The following NCOR1 variants were observed in gnomAD, a reference collection of about 807,000 sequenced individuals.
NCOR1 encodes the protein protein phosphatase 1, regulatory subunit 109.
A neutral mutation model predicts 288.1 loss-of-function variants in NCOR1; 63 were observed. That is an observed-to-expected ratio of 0.22 (90% CI 0.18 to 0.27). NCOR1 has a LOEUF of 0.27. Among genes scored for constraint, NCOR1 ranks in the 10% least tolerant of loss-of-function variants. The probability of loss-of-function intolerance (pLI) is 1.00; values close to 1 mark genes in which losing one functional copy is unlikely to be tolerated. For synonymous variants in NCOR1, 1,007 were observed against 1,065.9 expected, an observed-to-expected ratio of 0.94 and a Z score of 1.08; for missense variants, 2,397 against 3,019.2, an observed-to-expected ratio of 0.79 and a Z score of 4.83.
Position 16,171,911 on chromosome 17 carries a change from T to C in NCOR1, c.327A>G (p.Pro109=), listed in dbSNP as rs1194429887. Residue 109 remains proline, a synonymous_variant, in exon 4 of 46, where the codon CCA becomes CCG. Transcript: ENST00000268712. Reference sequence around the variant, plus strand: ...GAGAATCAGAAACCTGTTCCAGACGTGGTCGCTTCGATTCCAGTGAATCAT... The same window carrying C: ...GAGAATCAGAAACCTGTTCCAGACGCGGTCGCTTCGATTCCAGTGAATCAT... ...VDHDSLESKR[P]RLEQVSDSHF... 2 of 1,613,148 alleles carry C rather than the reference T, an allele frequency of 1.2e-6. No individual in the cohort carries two copies. The highest frequency in any genetic ancestry group is 8.5e-7 in the Non-Finnish European group (1 of 1,179,594).
rs1568001374 is a variant in NCOR1, at chr17:16,098,596, C to G, written c.2691-100G>C. ...CTAAGTTAGTATGTACATACACATG[C>G]ACACATGGACACATGGACACACATA... On this transcript the variant is annotated intron_variant, in intron 20 of 45. Coordinates refer to ENST00000268712, the MANE Select transcript of NCOR1 (RefSeq NM_006311.4). The G allele has an allele frequency of 3.2e-6, 3 of 950,304 alleles. No individual in the cohort carries two copies. In the African/African-American group the frequency reaches 5.0e-5, roughly 16 times the overall value. 58.9% of individuals were successfully genotyped at this position (950,304 alleles called of 1,614,324 possible).
At chr17:16,051,289 T>C (rs1423202763) in intron 40 of NCOR1, among the ~76,000 whole-genome samples, 15 of 152,224 alleles carry the variant, frequency 9.9e-5, no homozygotes, top group Non-Finnish European at 2.9e-5. Context: ...GTCAGCCATT[T>C]TTAAGATTTA....
chr17:16,154,061 C>T (rs1398260978), intron 6 of NCOR1, among the ~76,000 whole-genome samples: 1 of 121,468 alleles, frequency 8.2e-6, no homozygotes, highest in East Asian at 2.6e-4. Flanking sequence ...GGGTCTCACT[C>T]TGTCGCCCAG....
intron 23 of NCOR1, among the ~76,000 whole-genome samples, chr17:16,085,107 GA>G (rs1472259459): frequency 2.6e-5 from 4 of 152,150 alleles, no homozygotes; most frequent in African/African-American, 7.2e-5. Flanking sequence ...AGACCCAGTA[GA>G]AACAGATAAT....
At chr17:16,152,091 G>A (rs2078954859) in intron 7 of NCOR1, 93 bp from the exon 8 acceptor site, 3 of 787,116 alleles carry the variant, frequency 3.8e-6, no homozygotes, top group African/African-American at 1.8e-5. Flanking sequence ...CACAGGTAAA[G>A]TACTAATGGA....
At chr17:16,121,025 C>T (rs1395810929) in intron 16 of NCOR1, 27 bp downstream of exon 16, 2 of 1,589,550 alleles carry the variant, frequency 1.3e-6, no homozygotes, top group African/African-American at 2.7e-5. Context: ...AAATTATGGC[C>T]TGTTTATGCC....
At chr17:16,079,933 G>A (rs1478764638) in intron 26 of NCOR1, 31 bp downstream of exon 26, 11 of 1,537,926 alleles carry the variant, frequency 7.2e-6, no homozygotes, top group Non-Finnish European at 9.0e-6. Context: ...CTGAGCTTCT[G>A]TTGAGTATAT....
intron 44 of NCOR1, among the ~76,000 whole-genome samples, chr17:16,039,028 C>A (rs2057034691): frequency 6.6e-6 from 1 of 152,370 alleles, no homozygotes; most frequent in East Asian, 1.9e-4. Context: ...CTCCGCCCCC[C>A]AAAGTGCTGG....
At chr17:16,168,788 T>C (rs1465539241) in intron 4 of NCOR1, among the ~76,000 whole-genome samples, 1 of 151,824 alleles carries the variant, frequency 6.6e-6, no homozygotes, top group Admixed American at 6.5e-5. Context: ...CTGGCCAACA[T>C]GGTGAAACCT....
intron 11 of NCOR1, among the ~76,000 whole-genome samples, chr17:16,142,593 C>T (rs544028370): frequency 6.6e-6 from 1 of 152,192 alleles, no homozygotes; most frequent in African/African-American, 2.4e-5. Flanking sequence ...TCCAATTAAA[C>T]ACTAGGCAAC....
intron 26 of NCOR1, among the ~76,000 whole-genome samples, chr17:16,077,976 GC>G (rs2062814152): frequency 6.6e-6 from 1 of 152,164 alleles, no homozygotes; most frequent in East Asian, 1.9e-4. Flanking sequence ...AGGTTGTTAG[GC>G]CTTTGGATGC....
At position 16,132,366 on chromosome 17, in the gene NCOR1, G is replaced by A. The variant is rs56326109; in HGVS notation, c.1509+4945C>T. Among the ~76,000 whole-genome samples the A allele has an allele frequency of 7.2e-3, 1,098 of 152,240 alleles. 13 individuals are homozygous for A. The highest frequency in any genetic ancestry group is 0.025 in the African/African-American group (1,055 of 41,530). ...TGTTGGAAAAATGCAGCATTTACTA[G>A]GGGAAGAAACTCTTACTGCTAGCAA... On this transcript the variant is annotated intron_variant, in intron 14 of 45. Coordinates refer to ENST00000268712, the MANE Select transcript of NCOR1 (RefSeq NM_006311.4).
chr17:16,168,683 T>C (rs1210325830), intron 4 of NCOR1, among the ~76,000 whole-genome samples: 3 of 151,848 alleles, frequency 2.0e-5, no homozygotes, highest in Admixed American at 6.6e-5. Context: ...ACCTAAATAA[T>C]GTATGGGCCA....
At chr17:16,138,781 G>T (rs2076783702) in intron 12 of NCOR1, among the ~76,000 whole-genome samples, 1 of 152,078 alleles carries the variant, frequency 6.6e-6, no homozygotes, top group Non-Finnish European at 1.5e-5. Context: ...CCCAAGTTTG[G>T]GAACCACTCT....
At chr17:16,133,784 AG>A (rs1352693410) in intron 14 of NCOR1, among the ~76,000 whole-genome samples, 1 of 152,120 alleles carries the variant, frequency 6.6e-6, no homozygotes, top group Non-Finnish European at 1.5e-5. Flanking sequence ...CTCCTCCTTC[AG>A]TCATGCCTGT....
chr17:16,115,074 T>C (rs2071294120), intron 18 of NCOR1, among the ~76,000 whole-genome samples: 1 of 152,156 alleles, frequency 6.6e-6, no homozygotes, highest in Non-Finnish European at 1.5e-5. Context: ...ACCTCAATTC[T>C]TGACTTCTAT....
rs1419040651 is a variant in NCOR1, at chr17:16,202,844, C to G, written c.-70-8205G>C. 3.9e-5 allele frequency among the ~76,000 whole-genome samples: 6 copies of G among 152,168 alleles called. No homozygotes were observed. The East Asian group carries it at 1.2e-3, about 29-fold the overall frequency. On this transcript the variant is annotated intron_variant, in intron 1 of 45. Coordinates refer to ENST00000268712, the MANE Select transcript of NCOR1 (RefSeq NM_006311.4). ...TTTTGCTGCACCCCTCTCAGCACCC[C>G]CGAGCTCCATAAATCTTAAAGTCAA...
chr17:16,103,230 T>C (rs993305358), intron 19 of NCOR1, among the ~76,000 whole-genome samples: 1 of 152,200 alleles, frequency 6.6e-6, no homozygotes, highest in African/African-American at 2.4e-5. Flanking sequence ...AGAAGTCATC[T>C]TTTAAACCCT....
At chr17:16,182,448 T>C (rs2085679737) in intron 3 of NCOR1, among the ~76,000 whole-genome samples, 1 of 152,172 alleles carries the variant, frequency 6.6e-6, no homozygotes, top group South Asian at 2.1e-4. Flanking sequence ...ATTTATTTTA[T>C]TTTACTTATT....
Sources: allele counts gnomAD v4.1 joint callset (sites outside exome capture counted in the v4.1 genomes callset), GRCh38; gene constraint gnomAD v4.1.1; transcripts MANE v1.5; gene names NCBI Gene and HGNC (gene_info 2026-07-23, HGNC 2026-07-21).